ERBB4: variants seen among roughly 807,000 people sequenced by gnomAD.
The protein encoded by ERBB4 is erb-b2 receptor tyrosine kinase 4.
A neutral mutation model predicts 158.0 loss-of-function variants in ERBB4; 42 were observed. That is an observed-to-expected ratio of 0.27 (90% confidence interval 0.21 to 0.34). The LOEUF (loss-of-function observed/expected upper bound fraction) is 0.34. Among genes scored for constraint, ERBB4 ranks in the 10% least tolerant of loss-of-function variants. The probability of loss-of-function intolerance (pLI) is 1.00; values close to 1 mark genes in which losing one functional copy is unlikely to be tolerated. For synonymous variants in ERBB4, 583 were observed against 558.7 expected, an observed-to-expected ratio of 1.04 and a Z score of -0.61; for missense variants, 1,333 against 1,624.1, an observed-to-expected ratio of 0.82 and a Z score of 3.08.
intron 2 of ERBB4, among the ~76,000 whole-genome samples, chr2:212,095,728 C>A (rs1014001323): frequency 3.3e-5 from 5 of 151,856 alleles, no homozygotes; most frequent in African/African-American, 1.2e-4. Flanking sequence ...GTCAGGAGAT[C>A]GAGACCATCC....
chr2:211,441,707 C>T (rs1214618788), intron 20 of ERBB4, among the ~76,000 whole-genome samples: 3 of 152,106 alleles, frequency 2.0e-5, no homozygotes, highest in Non-Finnish European at 4.4e-5. Context: ...TGCAATTATG[C>T]CCTTCCATCC....
At chr2:212,273,160 A>G (rs965571597) in intron 1 of ERBB4, among the ~76,000 whole-genome samples, 1 of 151,756 alleles carries the variant, frequency 6.6e-6, no homozygotes, top group Non-Finnish European at 1.5e-5. Context: ...CACTCCAGAT[A>G]TATTGCTTAG....
chr2:212,098,527 C>T (rs1299889615), intron 2 of ERBB4, among the ~76,000 whole-genome samples: 1 of 152,082 alleles, frequency 6.6e-6, no homozygotes, highest in African/African-American at 2.4e-5. Context: ...AGGAAACCCC[C>T]ACTTTGATGA....
chr2:212,445,034 G>C (rs907868155), intron 1 of ERBB4, among the ~76,000 whole-genome samples: 1 of 151,824 alleles, frequency 6.6e-6, no homozygotes, highest in Non-Finnish European at 1.5e-5. Flanking sequence ...CTCTGACCAA[G>C]GCACTCACTT....
chr2:211,686,251 G>C (rs1245447609), intron 12 of ERBB4, among the ~76,000 whole-genome samples: 4 of 152,048 alleles, frequency 2.6e-5, no homozygotes, highest in Admixed American at 2.6e-4. Context: ...TTTGTAGATG[G>C]TCTTCATGAA....
chr2:211,952,276 G>A (rs547275792), intron 2 of ERBB4, among the ~76,000 whole-genome samples: 1 of 152,158 alleles, frequency 6.6e-6, no homozygotes, highest in South Asian at 2.1e-4. Flanking sequence ...CATGAGCCAT[G>A]TGTACTGACT....
At chr2:211,418,661 G>A (rs368909606) in intron 25 of ERBB4, among the ~76,000 whole-genome samples, 33 of 152,130 alleles carry the variant, frequency 2.2e-4, no homozygotes, top group African/African-American at 6.7e-4. Context: ...TTATAGCATT[G>A]CAAGCTAAGA....
chr2:211,704,229 A>G, intron 10 of ERBB4, 35 bp from the exon 11 acceptor site: 1 of 1,313,422 alleles, frequency 7.6e-7, no homozygotes, highest in Middle Eastern at 1.8e-4. Flanking sequence ...AAATCAGAAT[A>G]TCATTGTCTT....
intron 5 of ERBB4, 21 bp downstream of exon 5, chr2:211,750,618 C>T (rs930307754): frequency 6.2e-6 from 10 of 1,605,154 alleles, no homozygotes; most frequent in African/African-American, 2.7e-5. Context: ...AACCTGTGTG[C>T]TCTCACTGAT....
chr2:211,812,167 T>A (rs1430755818), intron 3 of ERBB4, among the ~76,000 whole-genome samples: 1 of 152,210 alleles, frequency 6.6e-6, no homozygotes, highest in East Asian at 1.9e-4. Flanking sequence ...TGTGGTTTTA[T>A]CTACCTTTGG....
chr2:211,854,272 G>T (rs886331914), intron 3 of ERBB4, among the ~76,000 whole-genome samples: 1 of 151,874 alleles, frequency 6.6e-6, no homozygotes, highest in Non-Finnish European at 1.5e-5. Context: ...TAAACTTTGT[G>T]TTAATTCTCA....
At chr2:212,059,315 T>C (rs547604941) in intron 2 of ERBB4, among the ~76,000 whole-genome samples, 2 of 152,264 alleles carry the variant, frequency 1.3e-5, no homozygotes, top group Admixed American at 6.5e-5. Context: ...TGGAAGAACA[T>C]TCCATTCTCA....
intron 17 of ERBB4, among the ~76,000 whole-genome samples, chr2:211,626,401 C>CAATA (rs2069844074): frequency 6.6e-6 from 1 of 152,060 alleles, no homozygotes; most frequent in Non-Finnish European, 1.5e-5. Flanking sequence ...TGTATGCAAA[C>CAATA]AATATATCAA....
At chr2:212,368,452 GA>G (rs2089970492) in intron 1 of ERBB4, among the ~76,000 whole-genome samples, 1 of 152,066 alleles carries the variant, frequency 6.6e-6, no homozygotes. Context: ...GGCGAGGGAT[GA>G]AAGACTACAA....
At chr2:211,677,235 G>A (rs2072111385) in intron 13 of ERBB4, among the ~76,000 whole-genome samples, 1 of 152,104 alleles carries the variant, frequency 6.6e-6, no homozygotes, top group Admixed American at 6.6e-5. Context: ...ATGAGGAAAT[G>A]AAAGAACTTC....
At chr2:212,012,430 T>G (rs2076410420) in intron 2 of ERBB4, among the ~76,000 whole-genome samples, 1 of 151,434 alleles carries the variant, frequency 6.6e-6, no homozygotes, top group Non-Finnish European at 1.5e-5. Context: ...TTTTTTTTTT[T>G]TTTTTTGACG....
chr2:212,014,998 C>T (rs561388969), intron 2 of ERBB4, among the ~76,000 whole-genome samples: 14 of 135,316 alleles, frequency 1.0e-4, no homozygotes, highest in Non-Finnish European at 1.6e-4. Flanking sequence ...CAAGACCATC[C>T]TGGCTAACAC....
chr2:211,837,816 C>T (rs1280009684), intron 3 of ERBB4, among the ~76,000 whole-genome samples: 1 of 151,978 alleles, frequency 6.6e-6, no homozygotes, highest in Admixed American at 6.6e-5. Flanking sequence ...ATATTATGTT[C>T]CAGGTATTAT....
intron 20 of ERBB4, among the ~76,000 whole-genome samples, chr2:211,524,455 C>G (rs538146063): frequency 2.7e-5 from 4 of 149,508 alleles, no homozygotes; most frequent in African/African-American, 1.0e-4. Context: ...AGGCTCGGGC[C>G]GCACAGGAGC....
Sources: gnomAD v4.1 joint callset for allele counts (sites outside exome capture counted in the v4.1 genomes callset) on GRCh38, gnomAD v4.1.1 for gene constraint, MANE v1.5 for transcripts, NCBI Gene and HGNC (gene_info 2026-07-23, HGNC 2026-07-21) for gene names.